The following FSTL5 variants were observed in gnomAD, a reference collection of about 807,000 sequenced individuals.
The protein encoded by FSTL5 is follistatin-related protein 5.
FSTL5 carries 62 observed loss-of-function variants against 89.1 expected under a neutral mutation model. That is an observed-to-expected ratio of 0.70 (90% CI 0.57 to 0.86). The LOEUF (loss-of-function observed/expected upper bound fraction) is 0.86, where lower values mean the gene tolerates loss of function less well. FSTL5 is among the 40% of genes least tolerant of loss of function. The pLI is 0.00. For synonymous variants in FSTL5, 383 were observed against 346.2 expected (o/e 1.11, Z -1.18); for missense variants, 1,057 against 1,001.6 (o/e 1.06, Z -0.75).
chr4:161,652,823 A>G (rs1736389528), intron 7 of FSTL5, among the ~76,000 whole-genome samples: 1 of 152,142 alleles, frequency 6.6e-6, no homozygotes, highest in Admixed American at 6.6e-5. Flanking sequence ...TTCAAAAGTC[A>G]GAAAGGATAT....
At chr4:161,512,934 T>C (rs1380680051) in intron 10 of FSTL5, among the ~76,000 whole-genome samples, 3 of 152,098 alleles carry the variant, frequency 2.0e-5, no homozygotes, top group East Asian at 3.9e-4. Context: ...ATTGTTTTAC[T>C]ACACAAACAG....
chr4:161,537,987 T>C (rs17041193), intron 10 of FSTL5, among the ~76,000 whole-genome samples, 179 bp downstream of exon 10: 4,078 of 152,304 alleles, frequency 0.027, 176 homozygotes, highest in African/African-American at 0.091. Flanking sequence ...CACAACTTTT[T>C]TTCATCTTTA....
intron 15 of FSTL5, among the ~76,000 whole-genome samples, chr4:161,399,054 T>G (rs1416896137): frequency 6.6e-6 from 1 of 152,100 alleles, no homozygotes; most frequent in African/African-American, 2.4e-5. Context: ...AGCACAATAC[T>G]GTATGAATGG....
chr4:161,837,964 T>G (rs1178083397), intron 4 of FSTL5, among the ~76,000 whole-genome samples: 1 of 152,176 alleles, frequency 6.6e-6, no homozygotes, highest in African/African-American at 2.4e-5. Context: ...ATGTTCACCA[T>G]TTGACTTAAC....
chr4:161,647,734 G>T (rs1394625941), intron 7 of FSTL5, among the ~76,000 whole-genome samples: 1 of 152,098 alleles, frequency 6.6e-6, no homozygotes, highest in Non-Finnish European at 1.5e-5. Context: ...GAAGGGAAGC[G>T]CTGGGTAGAA....
intron 6 of FSTL5, among the ~76,000 whole-genome samples, chr4:161,751,545 T>C (rs1238704528): frequency 6.6e-6 from 1 of 152,104 alleles, no homozygotes; most frequent in Non-Finnish European, 1.5e-5. Context: ...CCCAGCACTT[T>C]GGGAGGCTCA....
chr4:161,957,253 A>G (rs1439191641), intron 3 of FSTL5, among the ~76,000 whole-genome samples: 7 of 152,036 alleles, frequency 4.6e-5, no homozygotes, highest in Non-Finnish European at 8.8e-5. Context: ...TCTACATAAA[A>G]GTACATACCA....
chr4:161,779,783 A>G lies in FSTL5; in HGVS notation c.410-3709T>C, dbSNP rs940737187. ...GTTATATATATATATATGTATATAT[A>G]TATATATATATATATATATATATAT... On this transcript the variant is annotated intron_variant, in intron 4 of 15. Coordinates refer to ENST00000306100, the MANE Select transcript of FSTL5 (RefSeq NM_020116.5). 2.6e-4 allele frequency among the ~76,000 whole-genome samples: 10 copies of G among 38,558 alleles called. 1 individual carries two copies. Among genetic ancestry groups the G allele is most frequent in the African/African-American group, 1.2e-3 (6 of 4,870 alleles). 25.3% of individuals were successfully genotyped at this position (38,558 alleles called of 152,430 possible). A position where few individuals can be genotyped will look rare whatever the true frequency, so the allele number is the denominator to read the frequency against.
At chr4:161,498,671 T>G (rs1730180467) in intron 12 of FSTL5, among the ~76,000 whole-genome samples, 1 of 152,142 alleles carries the variant, frequency 6.6e-6, no homozygotes, top group African/African-American at 2.4e-5. Flanking sequence ...CCTATAAAAT[T>G]ATTTTGCTCT....
intron 4 of FSTL5, among the ~76,000 whole-genome samples, chr4:161,877,718 C>T (rs938375520): frequency 3.9e-5 from 6 of 151,906 alleles, no homozygotes; most frequent in Non-Finnish European, 5.9e-5. Context: ...CCCAGCTACT[C>T]GGGAGGCTGA....
chr4:161,648,299 G>C (rs897129108), intron 7 of FSTL5, among the ~76,000 whole-genome samples: 1 of 152,128 alleles, frequency 6.6e-6, no homozygotes, highest in East Asian at 1.9e-4. Flanking sequence ...GGATTCAGCT[G>C]TAAGCATTCA....
At chr4:161,964,714 A>G (rs1294430694) in intron 3 of FSTL5, among the ~76,000 whole-genome samples, 1 of 152,054 alleles carries the variant, frequency 6.6e-6, no homozygotes, top group East Asian at 1.9e-4. Flanking sequence ...TAGTCTATAA[A>G]TATTAATAGT....
chr4:161,575,573 C>A (rs1477674970), intron 8 of FSTL5, among the ~76,000 whole-genome samples: 1 of 152,006 alleles, frequency 6.6e-6, no homozygotes, highest in Non-Finnish European at 1.5e-5. Flanking sequence ...CCTGCCTCAG[C>A]CTCCCTAGTA....
intron 4 of FSTL5, among the ~76,000 whole-genome samples, chr4:161,809,614 A>G (rs1730078664): frequency 6.6e-6 from 1 of 152,214 alleles, no homozygotes; most frequent in Non-Finnish European, 1.5e-5. Flanking sequence ...GATAAACAAA[A>G]TGTGGTATAT....
At chr4:161,445,519 G>A (rs975501265) in intron 15 of FSTL5, among the ~76,000 whole-genome samples, 7 of 151,760 alleles carry the variant, frequency 4.6e-5, no homozygotes, top group African/African-American at 7.3e-5. Flanking sequence ...AATAAATATT[G>A]TTTATTCTCC....
At chr4:161,692,733 G>C (rs1737986044) in intron 6 of FSTL5, among the ~76,000 whole-genome samples, 1 of 151,932 alleles carries the variant, frequency 6.6e-6, no homozygotes, top group South Asian at 2.1e-4. Context: ...TTATTTATTT[G>C]TTTATTTTTG....
In FSTL5 at chr4:162,112,775, TCACACACACACACACACA is replaced by T. The variant is rs71598742; in HGVS notation, c.-16-1381_-16-1364del. Among the ~76,000 whole-genome samples the T allele has an allele frequency of 4.1e-3, 578 of 139,424 alleles. 10 individuals are homozygous for T. Among genetic ancestry groups the T allele is most frequent in the Non-Finnish European group, 1.0e-3 (65 of 63,562 alleles). The allele number at this position is 139,424 out of a possible 152,430, so 91.5% of individuals were successfully genotyped here. A position where few individuals can be genotyped will look rare whatever the true frequency, so the allele number is the denominator to read the frequency against. On this transcript the variant is annotated intron_variant, in intron 1 of 15. Coordinates refer to ENST00000306100, the MANE Select transcript of FSTL5 (RefSeq NM_020116.5). ...GCTTTCTCAAAGCTAACCGACACAATCACACACACACACACACACACACACACACACACACACACACCA... is the reference window on the plus strand; with the variant it reads ...GCTTTCTCAAAGCTAACCGACACAATCACACACACACACACACACACACCA...
At chr4:161,766,009 G>A (rs1031119272) in intron 5 of FSTL5, among the ~76,000 whole-genome samples, 10 of 151,966 alleles carry the variant, frequency 6.6e-5, no homozygotes, top group African/African-American at 2.2e-4. Context: ...TGGCCAGGCC[G>A]GTCCCGAACT....
intron 4 of FSTL5, among the ~76,000 whole-genome samples, chr4:161,793,585 A>T (rs535905202): frequency 2.8e-5 from 4 of 144,976 alleles, no homozygotes; most frequent in African/African-American, 1.0e-4. Flanking sequence ...TTGTCAAATA[A>T]GGTTGCTTTT....
Sources: gnomAD v4.1 joint callset for allele counts (sites outside exome capture counted in the v4.1 genomes callset) on GRCh38, gnomAD v4.1.1 for gene constraint, MANE v1.5 for transcripts, NCBI Gene and HGNC (gene_info 2026-07-23, HGNC 2026-07-21) for gene names.